SENP6: variants seen among roughly 807,000 people sequenced by gnomAD.
SENP6 encodes the protein sentrin-specific protease 6.
A neutral mutation model predicts 134.5 loss-of-function variants in SENP6; 41 were observed. The observed-to-expected ratio is 0.30, with a 90% CI of 0.24 to 0.40. The LOEUF (loss-of-function observed/expected upper bound fraction) is 0.40, where lower values mean the gene tolerates loss of function less well. Among genes scored for constraint, SENP6 ranks in the 10% least tolerant of loss-of-function variants. SENP6 has a pLI of 1.00. For missense variants in SENP6, 1,248 were observed against 1,312.5 expected (o/e 0.95, Z 0.76); for synonymous variants, 395 against 429.8 (o/e 0.92, Z 1.00).
chr6:75,666,644 A>G (rs1772265850), intron 9 of SENP6, 68 bp from the exon 10 acceptor site: 1 of 824,100 alleles, frequency 1.2e-6, no homozygotes, highest in Admixed American at 4.4e-5. Flanking sequence ...TTTTTAATGG[A>G]CAGAAATGAA....
chr6:75,609,863 C>T (rs923293279), intron 1 of SENP6, among the ~76,000 whole-genome samples: 1 of 152,144 alleles, frequency 6.6e-6, no homozygotes, highest in Non-Finnish European at 1.5e-5. Flanking sequence ...CACTGGCTGA[C>T]TGCAACCTCT....
chr6:75,705,740 CT>C (rs922661323), intron 19 of SENP6, among the ~76,000 whole-genome samples: 10 of 147,674 alleles, frequency 6.8e-5, no homozygotes, highest in Non-Finnish European at 1.4e-4. Flanking sequence ...CATTTTTCTT[CT>C]TTTTTTTTAA....
At chr6:75,651,825 C>T (rs1288423481) in intron 7 of SENP6, among the ~76,000 whole-genome samples, 2 of 152,078 alleles carry the variant, frequency 1.3e-5, no homozygotes, top group African/African-American at 4.8e-5. Flanking sequence ...TTTTTACACT[C>T]TCATTAAAAG....
intron 8 of SENP6, among the ~76,000 whole-genome samples, chr6:75,662,425 A>G (rs1269438301): frequency 6.6e-6 from 1 of 152,078 alleles, no homozygotes; most frequent in Non-Finnish European, 1.5e-5. Context: ...CTGAGCCACC[A>G]TGTCCAGGTT....
At chr6:75,675,124 A>G (rs58733227) in intron 11 of SENP6, among the ~76,000 whole-genome samples, 1 of 152,102 alleles carries the variant, frequency 6.6e-6, no homozygotes, top group Non-Finnish European at 1.5e-5. Flanking sequence ...TCAGACCCCC[A>G]TGACATGCAA....
chr6:75,679,083 G>T, intron 16 of SENP6, 156 bp downstream of exon 16: 1 of 525,688 alleles, frequency 1.9e-6, no homozygotes, highest in Admixed American at 3.8e-5. Flanking sequence ...TTCTGTCTTT[G>T]CACATTTTAA....
At chr6:75,662,053 AAAATAAATAAAT>A (rs370813391) in intron 8 of SENP6, among the ~76,000 whole-genome samples, 6,510 of 151,862 alleles carry the variant, frequency 0.043, 162 homozygotes, top group Non-Finnish European at 0.054. Context: ...TCTCCTTCTC[AAAATAAATAAAT>A]AAATAAATAA....
At chr6:75,711,271 G>A (rs1041353994) in intron 20 of SENP6, 57 bp from the exon 21 acceptor site, 4 of 1,259,586 alleles carry the variant, frequency 3.2e-6, no homozygotes, top group Non-Finnish European at 3.4e-6. Context: ...ATTTTGTTAG[G>A]TTATTAGTTA....
intron 8 of SENP6, among the ~76,000 whole-genome samples, chr6:75,661,991 G>T (rs895537750): frequency 6.6e-6 from 1 of 152,174 alleles, no homozygotes; most frequent in Non-Finnish European, 1.5e-5. Flanking sequence ...GGCAGAGGTT[G>T]CAGTGAGCCA....
chr6:75,686,872 G>T (rs1319910853), intron 16 of SENP6, among the ~76,000 whole-genome samples: 2 of 152,066 alleles, frequency 1.3e-5, no homozygotes, highest in Non-Finnish European at 2.9e-5. Context: ...CAATTATGTG[G>T]CTTGGAGTTG....
intron 1 of SENP6, among the ~76,000 whole-genome samples, chr6:75,621,260 C>T (rs1431203761): frequency 6.6e-6 from 1 of 152,166 alleles, no homozygotes; most frequent in African/African-American, 2.4e-5. Context: ...TATATTCATA[C>T]ATATTCATGT....
chr6:75,664,976 A>G (rs1056119145), intron 9 of SENP6, among the ~76,000 whole-genome samples: 4 of 152,168 alleles, frequency 2.6e-5, no homozygotes, highest in Non-Finnish European at 4.4e-5. Flanking sequence ...GTGTGTGCTT[A>G]CTTTATTGGG....
intron 1 of SENP6, among the ~76,000 whole-genome samples, chr6:75,604,668 A>G (rs1273402029): frequency 2.0e-5 from 3 of 151,820 alleles, no homozygotes; most frequent in African/African-American, 7.3e-5. Context: ...TTAGTTCCTC[A>G]TAACCAATTT....
At chr6:75,682,733 A>C (rs894195057) in intron 16 of SENP6, among the ~76,000 whole-genome samples, 13 of 152,080 alleles carry the variant, frequency 8.5e-5, no homozygotes, top group African/African-American at 3.1e-4. Flanking sequence ...AAGGACATGA[A>C]CTCATCCTTT....
intron 16 of SENP6, among the ~76,000 whole-genome samples, chr6:75,693,540 TA>T (rs1239097796): frequency 2.6e-5 from 4 of 152,098 alleles, no homozygotes; most frequent in African/African-American, 9.7e-5. Flanking sequence ...TTGAAGATAC[TA>T]TTGTAGAATT....
At chr6:75,701,540 A>C (rs1217317841) in intron 18 of SENP6, among the ~76,000 whole-genome samples, 1 of 151,934 alleles carries the variant, frequency 6.6e-6, no homozygotes, top group Non-Finnish European at 1.5e-5. Context: ...TTAATAACAC[A>C]CAGTAACAGT....
chr6:75,671,404 C>A (rs1772663903), intron 11 of SENP6, among the ~76,000 whole-genome samples: 1 of 152,142 alleles, frequency 6.6e-6, no homozygotes, highest in African/African-American at 2.4e-5. Context: ...CTGATATTGT[C>A]CTTTTTACAT....
intron 16 of SENP6, among the ~76,000 whole-genome samples, chr6:75,685,766 G>A (rs920444896): frequency 4.6e-5 from 7 of 152,178 alleles, no homozygotes; most frequent in African/African-American, 1.7e-4. Context: ...GAGACAGTTT[G>A]TTGTGATTTC....
intron 1 of SENP6, among the ~76,000 whole-genome samples, chr6:75,616,138 G>A (rs2149824299): frequency 6.6e-6 from 1 of 152,040 alleles, no homozygotes. Context: ...AAAACTTTAG[G>A]TGTTTAATTT....
Sources: gnomAD v4.1 joint callset for allele counts (sites outside exome capture counted in the v4.1 genomes callset) on GRCh38, gnomAD v4.1.1 for gene constraint, MANE v1.5 for transcripts, NCBI Gene and HGNC (gene_info 2026-07-23, HGNC 2026-07-21) for gene names.